Variants in MAML3 observed in about 807,000 individuals in gnomAD.
MAML3 encodes mastermind-like protein 3.
Under a neutral mutation model 101.9 loss-of-function variants are expected in MAML3, and 27 were observed. The ratio of observed to expected loss-of-function variants is 0.27; its 90% confidence interval spans 0.20 to 0.37. MAML3 has a LOEUF of 0.37. MAML3 is among the 10% of genes least tolerant of loss of function. The probability of loss-of-function intolerance (pLI) is 1.00; values close to 1 mark genes in which losing one functional copy is unlikely to be tolerated. For missense variants in MAML3, 1,316 were observed against 1,444.9 expected (o/e 0.91, Z 1.45); for synonymous variants, 501 against 555.9 (o/e 0.90, Z 1.39).
intron 1 of MAML3, among the ~76,000 whole-genome samples, chr4:140,015,245 G>A (rs1277252069): frequency 2.6e-5 from 4 of 152,004 alleles, no homozygotes; most frequent in Non-Finnish European, 5.9e-5. Context: ...AAAAAGAAAA[G>A]CAAAGTCAAG....
chr4:139,755,558 A>T (rs1464320047), intron 2 of MAML3, among the ~76,000 whole-genome samples: 1 of 152,198 alleles, frequency 6.6e-6, no homozygotes, highest in Non-Finnish European at 1.5e-5. Flanking sequence ...CAGTGAGAGG[A>T]GATCGCACCA....
chr4:139,812,220 C>G (rs1008240614), intron 2 of MAML3, among the ~76,000 whole-genome samples: 1 of 152,156 alleles, frequency 6.6e-6, no homozygotes, highest in African/African-American at 2.4e-5. Flanking sequence ...CTACTGCACT[C>G]TATCCACCAG....
chr4:140,013,106 TAAAG>T (rs1261247850), intron 1 of MAML3, among the ~76,000 whole-genome samples: 2 of 152,182 alleles, frequency 1.3e-5, no homozygotes, highest in Non-Finnish European at 2.9e-5. Context: ...ATTTTGAAAA[TAAAG>T]AAAGAACTAT....
At chr4:139,809,917 C>T (rs1412776581) in intron 2 of MAML3, among the ~76,000 whole-genome samples, 1 of 150,908 alleles carries the variant, frequency 6.6e-6, no homozygotes, top group African/African-American at 2.4e-5. Context: ...CCAGTGACTG[C>T]ATAATAAAGC....
intron 1 of MAML3, among the ~76,000 whole-genome samples, chr4:139,932,772 C>T (rs1386346220): frequency 6.6e-6 from 1 of 152,174 alleles, no homozygotes; most frequent in Admixed American, 6.5e-5. Flanking sequence ...AAAAGACAAT[C>T]AGATCCAGAA....
intron 2 of MAML3, among the ~76,000 whole-genome samples, chr4:139,803,604 A>T (rs1327742082): frequency 6.6e-6 from 1 of 152,184 alleles, no homozygotes; most frequent in Non-Finnish European, 1.5e-5. Context: ...TGGTGTATGC[A>T]GGGTGGCAGC....
At chr4:139,895,184 T>C (rs1732585502) in intron 1 of MAML3, among the ~76,000 whole-genome samples, 1 of 152,156 alleles carries the variant, frequency 6.6e-6, no homozygotes, top group South Asian at 2.1e-4. Flanking sequence ...CAGTGAGAAT[T>C]AGAGAAACAG....
At chr4:139,909,412 T>G (rs1159695095) in intron 1 of MAML3, among the ~76,000 whole-genome samples, 3 of 152,104 alleles carry the variant, frequency 2.0e-5, no homozygotes, top group Admixed American at 1.3e-4. Context: ...CTGAAAGAAA[T>G]ACATACCAAC....
At position 140,004,670 on chromosome 4, in the gene MAML3, G is replaced by C. The variant is rs150168560; in HGVS notation, c.469-113703C>G. Among the ~76,000 whole-genome samples, 10 of 152,170 alleles carry C rather than the reference G, an allele frequency of 6.6e-5. No individual in the cohort carries two copies. In the East Asian group the frequency reaches 1.9e-3, roughly 30 times the overall value. On this transcript the variant is annotated intron_variant, in intron 1 of 4. Coordinates refer to ENST00000509479, the MANE Select transcript of MAML3 (RefSeq NM_018717.5). ...CAAAGAACGCCATGAGACTCGCAGG[G>C]AGACAATGACGGCTCCAGGAAAAAC...
intron 2 of MAML3, among the ~76,000 whole-genome samples, chr4:139,819,804 G>A (rs181180250): frequency 2.0e-5 from 3 of 152,308 alleles, no homozygotes; most frequent in Admixed American, 6.5e-5. Context: ...AACTGACCAT[G>A]AGTGTTGATA....
chr4:139,827,573 T>G (rs1731084045), intron 2 of MAML3, among the ~76,000 whole-genome samples: 1 of 152,216 alleles, frequency 6.6e-6, no homozygotes, highest in Admixed American at 6.5e-5. Flanking sequence ...AGAAGAAATA[T>G]GCCCAGAGTC....
intron 1 of MAML3, among the ~76,000 whole-genome samples, chr4:139,914,143 A>G (rs17370238): frequency 0.34 from 51,319 of 152,062 alleles, 9,587 homozygotes; most frequent in East Asian, 0.68. Flanking sequence ...TCACAGTTCC[A>G]AAATTCCAAA....
intron 1 of MAML3, among the ~76,000 whole-genome samples, chr4:139,902,747 A>G (rs1732751877): frequency 6.6e-6 from 1 of 152,206 alleles, no homozygotes; most frequent in Non-Finnish European, 1.5e-5. Context: ...TTCAAAAGAA[A>G]TTAGACCAAG....
intron 1 of MAML3, among the ~76,000 whole-genome samples, chr4:140,021,585 T>A (rs1182835543): frequency 6.6e-6 from 1 of 150,824 alleles, no homozygotes; most frequent in Non-Finnish European, 1.5e-5. Flanking sequence ...CCTTACCTAA[T>A]TTTTTTTCCT....
chr4:139,777,003 G>T (rs1056080548), intron 2 of MAML3, among the ~76,000 whole-genome samples: 1 of 152,216 alleles, frequency 6.6e-6, no homozygotes, highest in Non-Finnish European at 1.5e-5. Context: ...AAAAGGTTAA[G>T]GGGTGACAGT....
intron 1 of MAML3, among the ~76,000 whole-genome samples, chr4:139,990,155 T>C (rs1050069510): frequency 6.6e-6 from 1 of 152,154 alleles, no homozygotes; most frequent in Non-Finnish European, 1.5e-5. Flanking sequence ...AACCTCACTA[T>C]AGAGAAATCT....
intron 1 of MAML3, among the ~76,000 whole-genome samples, chr4:140,100,419 C>T (rs1728235812): frequency 1.3e-5 from 2 of 152,262 alleles, no homozygotes; most frequent in South Asian, 4.1e-4. Context: ...TTTTATCCTT[C>T]CTTGCAAGAA....
chr4:139,915,328 A>G (rs1265174100), intron 1 of MAML3, among the ~76,000 whole-genome samples: 1 of 152,218 alleles, frequency 6.6e-6, no homozygotes, highest in African/African-American at 2.4e-5. Context: ...CTGCAAAATT[A>G]TCCAAGTTAA....
At chr4:139,992,643 A>T (rs1431109805) in intron 1 of MAML3, among the ~76,000 whole-genome samples, 1 of 152,002 alleles carries the variant, frequency 6.6e-6, no homozygotes, top group Non-Finnish European at 1.5e-5. Flanking sequence ...CTTCTGCCTC[A>T]GCCTCTCGGG....
Sources: gnomAD v4.1 joint callset for allele counts (sites outside exome capture counted in the v4.1 genomes callset) on GRCh38, gnomAD v4.1.1 for gene constraint, MANE v1.5 for transcripts, NCBI Gene and HGNC (gene_info 2026-07-23, HGNC 2026-07-21) for gene names.